DTNB: variants seen among roughly 807,000 people sequenced by gnomAD.
DTNB encodes the protein DTN-B.
A neutral mutation model predicts 90.7 loss-of-function variants in DTNB; 63 were observed. That is an observed-to-expected ratio of 0.69 (90% confidence interval 0.57 to 0.86). DTNB has a LOEUF of 0.86. Among genes scored for constraint, DTNB ranks in the 40% least tolerant of loss-of-function variants. The pLI is 0.00. For missense variants in DTNB, 744 were observed against 807.1 expected (o/e 0.92, Z 0.95); for synonymous variants, 277 against 286.7 (o/e 0.97, Z 0.34).
intron 12 of DTNB, among the ~76,000 whole-genome samples, chr2:25,448,314 G>A (rs2058728063): frequency 6.6e-6 from 1 of 152,186 alleles, no homozygotes; most frequent in Non-Finnish European, 1.5e-5. Context: ...AGAAGTATTT[G>A]CTGAATGAAT....
At position 25,576,907 on chromosome 2, in the gene DTNB, A is replaced by G. The variant is rs1299643914; in HGVS notation, c.807T>C (p.Asn269=). The change falls in exon 8 of 21, where the codon AAT becomes AAC. Residue 269 remains asparagine (N), a synonymous_variant. Transcript: ENST00000406818. ...QQCHNYQLCQ[N]CFWRGHAGGP... ...CGCCGGCATGGCCACGCCAAAAGCA[A>G]TTCTGGCAGAGCTGATAGTTGTGGC... The G allele has an allele frequency of 3.1e-6, 5 of 1,613,310 alleles. No individual in the cohort carries two copies. In the South Asian group the frequency reaches 4.4e-5, roughly 14 times the overall value.
chr2:25,502,789 G>A (rs994418072), intron 9 of DTNB, among the ~76,000 whole-genome samples: 2 of 151,088 alleles, frequency 1.3e-5, no homozygotes, highest in Non-Finnish European at 2.9e-5. Context: ...GGGAGGCTGA[G>A]GCAGGAGAAT....
At chr2:25,411,351 C>T (rs1235040606) in intron 16 of DTNB, among the ~76,000 whole-genome samples, 2 of 150,672 alleles carry the variant, frequency 1.3e-5, no homozygotes, top group Admixed American at 1.3e-4. Flanking sequence ...AAGAGTGAAA[C>T]TCCGTTTCAA....
chr2:25,660,610 A>G (rs2082967286), intron 1 of DTNB, among the ~76,000 whole-genome samples: 1 of 152,222 alleles, frequency 6.6e-6, no homozygotes, highest in African/African-American at 2.4e-5. Flanking sequence ...TTAAACAGAA[A>G]AAAGATATCT....
chr2:25,496,176 A>G (rs1303953138), intron 9 of DTNB, among the ~76,000 whole-genome samples: 2 of 152,248 alleles, frequency 1.3e-5, no homozygotes, highest in Non-Finnish European at 2.9e-5. Flanking sequence ...TGCTCAATTT[A>G]TCATCATTAT....
chr2:25,532,245 CAAAAAA>C (rs11352371), intron 8 of DTNB, among the ~76,000 whole-genome samples: 1 of 74,302 alleles, frequency 1.3e-5, no homozygotes, highest in African/African-American at 4.6e-5. Context: ...AACTCTGTCT[CAAAAAA>C]AAAAAAAAAA....
chr2:25,526,352 A>AATATATATAAATATATATATAT (rs2077075025), intron 9 of DTNB, among the ~76,000 whole-genome samples: 3 of 103,710 alleles, frequency 2.9e-5, no homozygotes, highest in Non-Finnish European at 5.2e-5. Flanking sequence ...AGCACTTATA[A>AATATATATAAATATATATATAT]ATATATATAA....
chr2:25,630,990 A>G (rs567642740), intron 3 of DTNB, among the ~76,000 whole-genome samples: 11 of 152,296 alleles, frequency 7.2e-5, no homozygotes, highest in African/African-American at 2.6e-4. Flanking sequence ...TATATATGAA[A>G]TGTCCACATA....
chr2:25,585,272 G>A (rs1056917615), intron 6 of DTNB, among the ~76,000 whole-genome samples: 1 of 151,746 alleles, frequency 6.6e-6, no homozygotes, highest in Non-Finnish European at 1.5e-5. Flanking sequence ...TTCACTTAAC[G>A]TTCTATTAAA....
chr2:25,594,324 T>A (rs796855468), intron 6 of DTNB, among the ~76,000 whole-genome samples: 1 of 152,176 alleles, frequency 6.6e-6, no homozygotes, highest in Non-Finnish European at 1.5e-5. Flanking sequence ...AAATAAATAG[T>A]GCATAGAGGC....
intron 3 of DTNB, among the ~76,000 whole-genome samples, chr2:25,632,192 CAAAAAAAAAA>C (rs71399307): frequency 3.4e-4 from 26 of 76,882 alleles, no homozygotes; most frequent in Non-Finnish European, 3.0e-4. Flanking sequence ...GACTCTGTCT[CAAAAAAAAAA>C]AAAAAAAAAA....
At chr2:25,510,882 T>C (rs1283791087) in intron 9 of DTNB, among the ~76,000 whole-genome samples, 1 of 152,234 alleles carries the variant, frequency 6.6e-6, no homozygotes, top group Non-Finnish European at 1.5e-5. Flanking sequence ...ATAGAGAAGC[T>C]TTAAATTTAA....
chr2:25,395,575 T>C (rs2042177187), intron 16 of DTNB, among the ~76,000 whole-genome samples: 1 of 149,732 alleles, frequency 6.7e-6, no homozygotes, highest in African/African-American at 2.4e-5. Flanking sequence ...TATTTATGTA[T>C]ATTTAAATAT....
At chr2:25,506,878 T>C (rs549555461) in intron 9 of DTNB, among the ~76,000 whole-genome samples, 1 of 152,286 alleles carries the variant, frequency 6.6e-6, no homozygotes, top group East Asian at 1.9e-4. Context: ...TACCAAAGAA[T>C]CATTATCATA....
chr2:25,670,659 T>C (rs1413417901), intron 1 of DTNB, among the ~76,000 whole-genome samples: 1 of 152,176 alleles, frequency 6.6e-6, no homozygotes, highest in African/African-American at 2.4e-5. Flanking sequence ...GAATACAATC[T>C]ACACAACTAG....
At chr2:25,621,377 T>C (rs2148654264) in intron 4 of DTNB, among the ~76,000 whole-genome samples, 1 of 152,288 alleles carries the variant, frequency 6.6e-6, no homozygotes, top group Non-Finnish European at 1.5e-5. Flanking sequence ...TTGTTTTGTT[T>C]TAAACATTCA....
At chr2:25,474,366 C>T (rs571381585) in intron 10 of DTNB, among the ~76,000 whole-genome samples, 6 of 151,478 alleles carry the variant, frequency 4.0e-5, no homozygotes, top group African/African-American at 1.5e-4. Flanking sequence ...AGACTTCATA[C>T]ATGCTAGTTG....
At chr2:25,666,851 G>A (rs2084567890) in intron 1 of DTNB, among the ~76,000 whole-genome samples, 1 of 152,146 alleles carries the variant, frequency 6.6e-6, no homozygotes. Flanking sequence ...CAGACCCACT[G>A]CTCAAGGCCA....
intron 19 of DTNB, chr2:25,383,612 T>C (rs1673933638): frequency 2.3e-6 from 2 of 858,872 alleles, no homozygotes; most frequent in Admixed American, 5.9e-5. Context: ...CCCAACTACC[T>C]ATCCCAGGAT....
Sources: allele counts gnomAD v4.1 joint callset (sites outside exome capture counted in the v4.1 genomes callset), GRCh38; gene constraint gnomAD v4.1.1; transcripts MANE v1.5; gene names NCBI Gene and HGNC (gene_info 2026-07-23, HGNC 2026-07-21).